The following SOX5 variants were observed in gnomAD, a reference collection of about 807,000 sequenced individuals.
SOX5 encodes transcription factor SOX-5.
Under a neutral mutation model 92.0 loss-of-function variants are expected in SOX5, and 9 were observed. The ratio of observed to expected loss-of-function variants is 0.10; its 90% CI spans 0.06 to 0.17. The LOEUF (loss-of-function observed/expected upper bound fraction) is 0.17, where lower values mean the gene tolerates loss of function less well. Ranked by LOEUF, SOX5 falls within the 10% of genes least tolerant of loss-of-function variation. SOX5 has a pLI of 1.00. For synonymous variants in SOX5, 344 were observed against 336.3 expected (o/e 1.02, Z -0.25); for missense variants, 642 against 944.5 (o/e 0.68, Z 4.20).
At chr12:23,985,223 ATTTTT>A (rs1569402609) in intron 4 of SOX5, among the ~76,000 whole-genome samples, 1 of 139,440 alleles carries the variant, frequency 7.2e-6, no homozygotes, top group African/African-American at 2.6e-5. Flanking sequence ...TTTTTATTGT[ATTTTT>A]TTATTTTTTT....
At chr12:23,994,109 C>A (rs1364798863) in intron 4 of SOX5, among the ~76,000 whole-genome samples, 1 of 151,796 alleles carries the variant, frequency 6.6e-6, no homozygotes, top group Non-Finnish European at 1.5e-5. Flanking sequence ...GGCAACAGAG[C>A]AAGACCTTGT....
intron 1 of SOX5, among the ~76,000 whole-genome samples, chr12:24,415,685 C>T (rs2136858843): frequency 6.6e-6 from 1 of 152,264 alleles, no homozygotes; most frequent in South Asian, 2.1e-4. Context: ...ATTTCAGGTC[C>T]TAATATTACT....
chr12:23,697,004 C>T (rs1391564296), intron 6 of SOX5, among the ~76,000 whole-genome samples: 5 of 152,048 alleles, frequency 3.3e-5, no homozygotes, highest in Admixed American at 6.6e-5. Flanking sequence ...CCTTTAATGG[C>T]CCAGAGTGTA....
At chr12:24,219,519 TA>T (rs1024429944) in intron 3 of SOX5, among the ~76,000 whole-genome samples, 2 of 152,086 alleles carry the variant, frequency 1.3e-5, no homozygotes, top group African/African-American at 4.8e-5. Flanking sequence ...TCTATCTATT[TA>T]ATCTTTAATT....
At chr12:23,585,057 C>G (rs11046996) in intron 9 of SOX5, among the ~76,000 whole-genome samples, 24,168 of 152,038 alleles carry the variant, frequency 0.16, 2,529 homozygotes, top group Admixed American at 0.26. Context: ...CAATAACTAA[C>G]TCGATAAATT....
chr12:24,208,282 C>T (rs1958230888), intron 4 of SOX5, among the ~76,000 whole-genome samples: 1 of 152,164 alleles, frequency 6.6e-6, no homozygotes, highest in African/African-American at 2.4e-5. Context: ...AGGCACAGCC[C>T]TAATCATCAC....
intron 2 of SOX5, among the ~76,000 whole-genome samples, chr12:24,357,754 T>C (rs61107113): frequency 0.023 from 3,439 of 151,316 alleles, 113 homozygotes; most frequent in African/African-American, 0.079. Context: ...GACAAGAGAA[T>C]TGCTTGAACC....
intron 1 of SOX5, among the ~76,000 whole-genome samples, chr12:23,901,503 T>C (rs1319849657): frequency 6.6e-6 from 1 of 152,226 alleles, no homozygotes; most frequent in Non-Finnish European, 1.5e-5. Flanking sequence ...CCTCCTACCC[T>C]AGACATAACG....
At chr12:23,779,684 T>C (rs2095220279) in intron 3 of SOX5, among the ~76,000 whole-genome samples, 1 of 150,666 alleles carries the variant, frequency 6.6e-6, no homozygotes, top group African/African-American at 2.4e-5. Flanking sequence ...CATGGGAACT[T>C]CTTATTTCTG....
intron 4 of SOX5, 41 bp from the exon 5 acceptor site, chr12:23,741,080 A>G: frequency 2.7e-6 from 4 of 1,470,696 alleles, no homozygotes; most frequent in Non-Finnish European, 3.7e-6. Flanking sequence ...AATAAATGAA[A>G]AAAAGTAATT....
rs185367912 is a variant in SOX5 at position 24,172,094 on chromosome 12, C to T, written c.-2+41249G>A. ...CTGTGTGTGCGTGTGTGTGTGTGTG[C>T]GTGCGCGCGTGTGTGTCTGTGTGCT... is the stretch of plus-strand genomic sequence containing the variant. On this transcript the variant is annotated intron_variant, in intron 4 of 4. Coordinates refer to the SOX5 transcript ENST00000446891. Among the ~76,000 whole-genome samples the T allele has an allele frequency of 4.0e-4, 50 of 123,806 alleles. 1 individual carries two copies. The highest frequency in any genetic ancestry group is 2.2e-3 in the East Asian group (11 of 4,922). The allele number at this position is 123,806 out of a possible 152,430, so 81.2% of individuals were successfully genotyped here.
intron 2 of SOX5, among the ~76,000 whole-genome samples, chr12:23,857,735 CTTT>C (rs36116499): frequency 2.1e-5 from 3 of 140,650 alleles, no homozygotes. Context: ...TTTTTTCTTT[CTTT>C]TTTTTTTTTT....
chr12:24,548,035 G>T (rs1344698203), intron 1 of SOX5, among the ~76,000 whole-genome samples: 2 of 152,172 alleles, frequency 1.3e-5, no homozygotes, highest in South Asian at 4.1e-4. Context: ...ATGTGCCGGA[G>T]ATTTTTTTAA....
Position 24,385,926 on chromosome 12 carries a change from CA to C in SOX5, c.-250-17288del, listed in dbSNP as rs35813329. ...TGGGCAACAGAGCAAGACCTTGTCA[CA>C]AAAAAAAAAAAAAAAAAAGAGAGAG... On this transcript the variant is annotated intron_variant, in intron 1 of 4. Transcript: ENST00000446891. Among the ~76,000 whole-genome samples the C allele has an allele frequency of 6.7e-4, 49 of 73,404 alleles. 1 individual carries two copies. The highest frequency in any genetic ancestry group is 8.1e-3 in the Middle Eastern group (1 of 124). 48.2% of individuals were successfully genotyped at this position (73,404 alleles called of 152,430 possible).
At chr12:24,133,596 A>C (rs1949852609) in intron 4 of SOX5, among the ~76,000 whole-genome samples, 1 of 151,984 alleles carries the variant, frequency 6.6e-6, no homozygotes, top group South Asian at 2.1e-4. Flanking sequence ...GGTGTGGGGG[A>C]CTGTGGCGGG....
intron 3 of SOX5, among the ~76,000 whole-genome samples, chr12:23,820,597 T>C (rs1310785945): frequency 6.6e-6 from 1 of 152,222 alleles, no homozygotes; most frequent in Admixed American, 6.5e-5. Context: ...AGTTAATTTT[T>C]GTATAAAGTA....
chr12:23,822,880 CCTTT>C (rs1168165451), intron 3 of SOX5, among the ~76,000 whole-genome samples: 1 of 152,060 alleles, frequency 6.6e-6, no homozygotes, highest in African/African-American at 2.4e-5. Flanking sequence ...TTAGATAATG[CCTTT>C]CTTTGCCTTT....
intron 1 of SOX5, among the ~76,000 whole-genome samples, chr12:24,435,832 A>G (rs1939321022): frequency 6.6e-6 from 1 of 152,120 alleles, no homozygotes; most frequent in Admixed American, 6.5e-5. Flanking sequence ...TATTGACACA[A>G]TTTTCCCAAC....
chr12:24,197,285 A>G (rs1199663022), intron 4 of SOX5, among the ~76,000 whole-genome samples: 1 of 152,196 alleles, frequency 6.6e-6, no homozygotes, highest in African/African-American at 2.4e-5. Context: ...CCGTCAGAAG[A>G]TGAGTGCCCT....
Sources: allele counts gnomAD v4.1 joint callset (sites outside exome capture counted in the v4.1 genomes callset), GRCh38; gene constraint gnomAD v4.1.1; transcripts MANE v1.5; gene names NCBI Gene and HGNC (gene_info 2026-07-23, HGNC 2026-07-21).